Variants in FGGY observed in about 807,000 individuals in gnomAD.
FGGY encodes FGGY carbohydrate kinase domain-containing protein.
Under a neutral mutation model 71.3 loss-of-function variants are expected in FGGY, and 72 were observed. The observed-to-expected ratio is 1.01, with a 90% CI of 0.84 to 1.23. The LOEUF (loss-of-function observed/expected upper bound fraction) is 1.23. FGGY is among the 50% of genes most tolerant of loss of function. The pLI is 0.00. For missense variants in FGGY, 668 were observed against 682.3 expected, an observed-to-expected ratio of 0.98 and a Z score of 0.23; for synonymous variants, 251 against 250.3, an observed-to-expected ratio of 1.00 and a Z score of -0.02.
chr1:59,482,594 G>C (rs201999533), intron 6 of FGGY, among the ~76,000 whole-genome samples: 3 of 139,892 alleles, frequency 2.1e-5, no homozygotes, highest in African/African-American at 8.5e-5. Flanking sequence ...GTGTGTGTCT[G>C]TGTGTGTATA....
chr1:59,721,125 A>G (rs1163998192), intron 14 of FGGY, among the ~76,000 whole-genome samples: 3 of 151,962 alleles, frequency 2.0e-5, no homozygotes, highest in Non-Finnish European at 4.4e-5. Context: ...TGCCTGCTCC[A>G]CGCCTACCAT....
At chr1:59,607,768 C>CA in intron 8 of FGGY, 35 bp from the exon 9 acceptor site, 1 of 1,538,016 alleles carries the variant, frequency 6.5e-7, no homozygotes, top group African/African-American at 1.4e-5. Flanking sequence ...CCCTGAGAGT[C>CA]AATGTTTTCA....
chr1:59,478,890 A>G (rs2093367288), intron 6 of FGGY, among the ~76,000 whole-genome samples: 1 of 152,190 alleles, frequency 6.6e-6, no homozygotes, highest in African/African-American at 2.4e-5. Context: ...GGAGGGAACA[A>G]TCTCCAAGGA....
At chr1:59,407,501 C>A (rs2062939570) in intron 5 of FGGY, among the ~76,000 whole-genome samples, 1 of 152,016 alleles carries the variant, frequency 6.6e-6, no homozygotes, top group Non-Finnish European at 1.5e-5. Flanking sequence ...TTGTCCTGAG[C>A]TTATTTGTCT....
At chr1:59,658,345 G>A (rs910740071) in intron 11 of FGGY, among the ~76,000 whole-genome samples, 3 of 152,144 alleles carry the variant, frequency 2.0e-5, no homozygotes, top group Non-Finnish European at 4.4e-5. Flanking sequence ...ACAGTTAATG[G>A]CTTAGGATGA....
chr1:59,450,048 C>A (rs1244526390), intron 5 of FGGY, among the ~76,000 whole-genome samples: 3 of 152,214 alleles, frequency 2.0e-5, no homozygotes, highest in Non-Finnish European at 2.9e-5. Context: ...TGCCTTCGCA[C>A]TGGAGATTTT....
At chr1:59,699,790 CA>C (rs2097694741) in intron 14 of FGGY, among the ~76,000 whole-genome samples, 1 of 152,194 alleles carries the variant, frequency 6.6e-6, no homozygotes, top group Non-Finnish European at 1.5e-5. Context: ...GCCTTTGTAA[CA>C]GGCATGTCCC....
chr1:59,591,637 T>C (rs2153791334), intron 8 of FGGY, among the ~76,000 whole-genome samples: 1 of 152,176 alleles, frequency 6.6e-6, no homozygotes, highest in Non-Finnish European at 1.5e-5. Flanking sequence ...TAACACCGCA[T>C]ATCTATAACT....
chr1:59,397,066 T>C (rs1315903909), intron 5 of FGGY, among the ~76,000 whole-genome samples: 3 of 151,756 alleles, frequency 2.0e-5, no homozygotes, highest in African/African-American at 7.3e-5. Context: ...GAAAGGTATC[T>C]AAAAGTGATT....
intron 14 of FGGY, among the ~76,000 whole-genome samples, chr1:59,740,672 T>C (rs75182930): frequency 0.015 from 2,274 of 152,340 alleles, 56 homozygotes; most frequent in African/African-American, 0.052. Context: ...TTTGTTACGA[T>C]GAAAGAGATG....
intron 2 of FGGY, among the ~76,000 whole-genome samples, chr1:59,325,856 T>C (rs12567497): frequency 0.11 from 16,633 of 152,260 alleles, 944 homozygotes; most frequent in Middle Eastern, 0.12. Context: ...CCTGGTGAGA[T>C]GGCTCCAAAT....
At position 59,755,222 on chromosome 1, in the gene FGGY, C is replaced by G. The variant is rs1013540681; in HGVS notation, c.1513-2709C>G. 3 of 152,340 alleles carry G rather than the reference C, an allele frequency of 2.0e-5. No individual in the cohort carries two copies. The East Asian group carries it at 5.8e-4, about 29-fold the overall frequency. The allele number at this position is 152,340 out of a possible 1,614,324, so 9.4% of individuals were successfully genotyped here. ...TCCAGTTCACTTTGGTATCTTATAT[C>G]TGTCATCTTTAGATCTCAGCCAAAA... On this transcript the variant is annotated intron_variant, in intron 14 of 15. Coordinates refer to ENST00000303721, the MANE Select transcript of FGGY (RefSeq NM_018291.5).
chr1:59,603,125 C>T (rs1484839400), intron 8 of FGGY, among the ~76,000 whole-genome samples: 1 of 152,166 alleles, frequency 6.6e-6, no homozygotes, highest in Non-Finnish European at 1.5e-5. Flanking sequence ...ATTCCCACCA[C>T]CAAACCTGTG....
At chr1:59,644,683 G>A (rs1012771015) in intron 11 of FGGY, among the ~76,000 whole-genome samples, 6 of 151,564 alleles carry the variant, frequency 4.0e-5, no homozygotes, top group Non-Finnish European at 7.4e-5. Flanking sequence ...ACACATAAAG[G>A]TAGATGAATA....
rs149353814 is a variant in FGGY, at chr1:59,298,885, A to G, written c.-15+1735A>G. ...GATCATCCAAATCAGTTCTTCATGT[A>G]TTCATTTGTTCACTCATCTTGTCCA... On this transcript the variant is annotated intron_variant, in intron 1 of 15. Coordinates refer to ENST00000303721, the MANE Select transcript of FGGY (RefSeq NM_018291.5). 2.0e-5 allele frequency among the ~76,000 whole-genome samples: 3 copies of G among 152,320 alleles called. No individual in the cohort carries two copies. In the East Asian group the frequency reaches 5.8e-4, roughly 29 times the overall value.
At chr1:59,522,134 A>T (rs2153649291) in intron 7 of FGGY, among the ~76,000 whole-genome samples, 1 of 152,336 alleles carries the variant, frequency 6.6e-6, no homozygotes, top group Non-Finnish European at 1.5e-5. Flanking sequence ...TGTGAGCTAC[A>T]ATTATTTTTG....
At chr1:59,709,194 C>T (rs2097776189) in intron 14 of FGGY, among the ~76,000 whole-genome samples, 1 of 152,310 alleles carries the variant, frequency 6.6e-6, no homozygotes, top group South Asian at 2.1e-4. Context: ...CACAGTTCCA[C>T]ATGGCTGGGG....
intron 7 of FGGY, among the ~76,000 whole-genome samples, chr1:59,541,147 A>G (rs1558284198): frequency 6.6e-6 from 1 of 152,130 alleles, no homozygotes; most frequent in African/African-American, 2.4e-5. Context: ...AGCTGAAATT[A>G]TTTCATCAGT....
At chr1:59,361,518 G>A (rs924768342) in intron 4 of FGGY, among the ~76,000 whole-genome samples, 2 of 152,202 alleles carry the variant, frequency 1.3e-5, no homozygotes, top group South Asian at 4.1e-4. Context: ...TGAGACCTCC[G>A]TGGGGCTGCA....
Sources: gnomAD v4.1 joint callset for allele counts (sites outside exome capture counted in the v4.1 genomes callset) on GRCh38, gnomAD v4.1.1 for gene constraint, MANE v1.5 for transcripts, NCBI Gene and HGNC (gene_info 2026-07-23, HGNC 2026-07-21) for gene names.